Variants in ZNF143 observed in about 807,000 individuals in gnomAD.
ZNF143 encodes zinc finger protein 143.
ZNF143 carries 49 observed loss-of-function variants against 74.1 expected under a neutral mutation model. That is an observed-to-expected ratio of 0.66 (90% CI 0.53 to 0.84). The LOEUF (loss-of-function observed/expected upper bound fraction) is 0.84, where lower values mean the gene tolerates loss of function less well. Ranked by LOEUF, ZNF143 falls within the 40% of genes least tolerant of loss-of-function variation. ZNF143 has a pLI of 0.00. For synonymous variants in ZNF143, 304 were observed against 282.8 expected (o/e 1.07, Z -0.75); for missense variants, 637 against 793.4 (o/e 0.80, Z 2.37).
At chr11:9,498,246 A>G (rs912901042) in intron 10 of ZNF143, among the ~76,000 whole-genome samples, 2 of 152,228 alleles carry the variant, frequency 1.3e-5, no homozygotes, top group Non-Finnish European at 2.9e-5. Flanking sequence ...CTTGCTGTAT[A>G]TGCATGTCTG....
intron 1 of ZNF143, 80 bp downstream of exon 1, chr11:9,461,156 GCT>G (rs2133789082): frequency 1.1e-6 from 1 of 888,242 alleles, no homozygotes; most frequent in Non-Finnish European, 1.3e-6. Context: ...GCGCGGGCCC[GCT>G]TGGGCCCGGG....
rs990328549 is a variant in ZNF143, at chr11:9,465,347, C to T, written c.-8+4271C>T. 2.6e-5 allele frequency among the ~76,000 whole-genome samples: 4 copies of T among 151,178 alleles called. No individual in the cohort carries two copies. The East Asian group carries it at 7.8e-4, about 30-fold the overall frequency. ...GATTACAGAAGCACGCCACCATGCC[C>T]AGCTAATTTTTTTATTTTTAGTAGA... On this transcript the variant is annotated intron_variant, in intron 1 of 15. Transcript: ENST00000396602.
chr11:9,516,417 T>TA, intron 14 of ZNF143, 55 bp downstream of exon 14: 9 of 1,481,328 alleles, frequency 6.1e-6, no homozygotes, highest in Non-Finnish European at 7.3e-6. Context: ...CCAAAACAGT[T>TA]ACATAGGTAT....
At chr11:9,489,216 T>G (rs183678899) in intron 7 of ZNF143, among the ~76,000 whole-genome samples, 1 of 152,304 alleles carries the variant, frequency 6.6e-6, no homozygotes, top group African/African-American at 2.4e-5. Context: ...TTTTGAGTAA[T>G]TAGATACTAG....
intron 11 of ZNF143, among the ~76,000 whole-genome samples, chr11:9,503,615 AT>A (rs1203740192): frequency 1.4e-5 from 2 of 142,286 alleles, no homozygotes; most frequent in Non-Finnish European, 3.1e-5. Context: ...TTTGATTTGC[AT>A]TTTTCTGATG....
intron 11 of ZNF143, among the ~76,000 whole-genome samples, chr11:9,505,191 C>T (rs563106156): frequency 8.1e-6 from 1 of 123,810 alleles, no homozygotes; most frequent in African/African-American, 2.6e-5. Flanking sequence ...CCAGGATGGT[C>T]TCCATCTCCT....
At chr11:9,490,200 A>G (rs1019902976) in intron 7 of ZNF143, among the ~76,000 whole-genome samples, 10 of 152,020 alleles carry the variant, frequency 6.6e-5, no homozygotes, top group African/African-American at 2.2e-4. Flanking sequence ...AAATAAAAAT[A>G]AAAAATACTG....
chr11:9,508,254 G>A (rs1239616115), intron 11 of ZNF143, among the ~76,000 whole-genome samples: 8 of 152,110 alleles, frequency 5.3e-5, no homozygotes, highest in Non-Finnish European at 1.0e-4. Flanking sequence ...CATAAGTTAC[G>A]ATAATAGCAT....
intron 10 of ZNF143, 39 bp from the exon 11 acceptor site, chr11:9,501,052 T>TG (rs1180619068): frequency 1.2e-6 from 2 of 1,608,638 alleles, no homozygotes; most frequent in Non-Finnish European, 1.7e-6. Context: ...CCTCTATATA[T>TG]TTTTGCACCA....
intron 3 of ZNF143, 147 bp from the exon 4 acceptor site, chr11:9,473,794 T>C (rs1278425170): frequency 6.4e-6 from 10 of 1,557,324 alleles, no homozygotes; most frequent in African/African-American, 1.4e-5. Flanking sequence ...GGATGTGTTA[T>C]TGAATTGCCT....
In ZNF143 at chr11:9,470,342, A is replaced by T. The variant is rs551127126; in HGVS notation, c.-7-960A>T. ...ATGGAAGGGGAAATAGATAAACTAAATACATAAATACATGTAATTTGTTAA... is the reference window on the plus strand; with the variant it reads ...ATGGAAGGGGAAATAGATAAACTAATTACATAAATACATGTAATTTGTTAA... On this transcript the variant is annotated intron_variant, in intron 1 of 15. Coordinates refer to ENST00000396602, the MANE Select transcript of ZNF143 (RefSeq NM_003442.6). Among the ~76,000 whole-genome samples the T allele has an allele frequency of 2.0e-5, 3 of 152,346 alleles. No individual in the cohort carries two copies. The South Asian group carries it at 6.2e-4, about 32-fold the overall frequency.
intron 7 of ZNF143, among the ~76,000 whole-genome samples, chr11:9,491,215 G>A (rs181055030): frequency 9.2e-4 from 140 of 151,942 alleles, no homozygotes; most frequent in African/African-American, 3.2e-3. Flanking sequence ...CAAGACTCCA[G>A]TCTCTTAAAA....
chr11:9,470,567 G>A (rs1363121638), intron 1 of ZNF143, among the ~76,000 whole-genome samples: 1 of 152,140 alleles, frequency 6.6e-6, no homozygotes, highest in Non-Finnish European at 1.5e-5. Flanking sequence ...AAATGAACAC[G>A]TTCTAAGGCA....
intron 14 of ZNF143, among the ~76,000 whole-genome samples, chr11:9,522,574 A>C (rs1315226088): frequency 6.7e-6 from 1 of 149,910 alleles, no homozygotes; most frequent in Non-Finnish European, 1.5e-5. Context: ...GCTCACTGCA[A>C]CCTCCGCCTC....
At chr11:9,497,477 C>T (rs549582495) in intron 9 of ZNF143, among the ~76,000 whole-genome samples, 198 bp from the exon 10 acceptor site, 6 of 152,284 alleles carry the variant, frequency 3.9e-5, no homozygotes, top group African/African-American at 9.6e-5. Flanking sequence ...GTGATCCGCC[C>T]GCCTTGGCAT....
chr11:9,501,451 A>G (rs779961026), intron 11 of ZNF143, among the ~76,000 whole-genome samples, 181 bp downstream of exon 11: 7 of 152,212 alleles, frequency 4.6e-5, no homozygotes, highest in Non-Finnish European at 7.3e-5. Flanking sequence ...TTCAACAAAC[A>G]GTTATTGAGT....
At chr11:9,503,642 CT>C (rs796242391) in intron 11 of ZNF143, among the ~76,000 whole-genome samples, 4,265 of 137,924 alleles carry the variant, frequency 0.031, 49 homozygotes, top group Non-Finnish European at 0.048. Context: ...TGATGTGAAG[CT>C]TTTTTTTTTT....
intron 14 of ZNF143, among the ~76,000 whole-genome samples, chr11:9,519,754 G>A (rs1041328394): frequency 2.6e-5 from 4 of 152,078 alleles, no homozygotes; most frequent in African/African-American, 9.7e-5. Flanking sequence ...TGGAATTGCT[G>A]GGTCATAGAA....
intron 13 of ZNF143, among the ~76,000 whole-genome samples, chr11:9,515,135 GTC>G (rs757839508): frequency 4.0e-5 from 6 of 151,816 alleles, no homozygotes; most frequent in East Asian, 2.0e-4. Flanking sequence ...CAAAAAAAAA[GTC>G]TGAACTATAG....
Sources: allele counts gnomAD v4.1 joint callset (sites outside exome capture counted in the v4.1 genomes callset), GRCh38; gene constraint gnomAD v4.1.1; transcripts MANE v1.5; gene names NCBI Gene and HGNC (gene_info 2026-07-23, HGNC 2026-07-21).